The following CATSPERT variants were observed in gnomAD, a reference collection of about 807,000 sequenced individuals.
The protein encoded by CATSPERT is catsper channel auxiliary subunit tau.
the CATSPERT span, among the ~76,000 whole-genome samples, chr2:201,516,959 A>C: frequency 1.4e-5 from 2 of 144,222 alleles, no homozygotes; most frequent in Admixed American, 7.1e-5. Flanking sequence ...ATTTCACCTC[A>C]TGTCAGGATT....
the CATSPERT span, among the ~76,000 whole-genome samples, chr2:201,503,756 A>AT: frequency 7.7e-6 from 1 of 130,468 alleles, no homozygotes; most frequent in Non-Finnish European, 1.7e-5. Flanking sequence ...TTGTTGATTG[A>AT]TAAATTTTTT....
chr2:201,535,966 G>T, the CATSPERT span: 1 of 1,600,588 alleles, frequency 6.2e-7, no homozygotes, highest in South Asian at 1.1e-5. Context: ...ATTTCTGTTG[G>T]AGATGAATCT....
chr2:201,615,161 A>T, the CATSPERT span, among the ~76,000 whole-genome samples: 467 of 152,290 alleles, frequency 3.1e-3, 3 homozygotes, highest in African/African-American at 0.01. Flanking sequence ...ACAGAAAGTT[A>T]ACAAGGATAT....
At chr2:201,506,356 T>A in the CATSPERT span, among the ~76,000 whole-genome samples, 4 of 152,170 alleles carry the variant, frequency 2.6e-5, no homozygotes, top group Non-Finnish European at 5.9e-5. Context: ...TCATTATGAA[T>A]AGATGTACAA....
the CATSPERT span, among the ~76,000 whole-genome samples, chr2:201,581,516 ATATATAT>A: frequency 4.8e-5 from 3 of 62,828 alleles, no homozygotes; most frequent in East Asian, 5.2e-4. Context: ...ATATATATAT[ATATATAT>A]AAAATATTCT....
At chr2:201,516,763 T>C in the CATSPERT span, among the ~76,000 whole-genome samples, 1 of 138,720 alleles carries the variant, frequency 7.2e-6, no homozygotes, top group Non-Finnish European at 1.6e-5. Flanking sequence ...TTTTCCCCCC[T>C]ACCAGAACAC....
the CATSPERT span, among the ~76,000 whole-genome samples, chr2:201,595,258 G>A: frequency 6.7e-6 from 1 of 149,964 alleles, no homozygotes; most frequent in Non-Finnish European, 1.5e-5. Flanking sequence ...GCGGGATCTC[G>A]GCTCACTGCA....
At chr2:201,601,316 G>GC in the CATSPERT span, among the ~76,000 whole-genome samples, 1 of 121,144 alleles carries the variant, frequency 8.3e-6, no homozygotes, top group Non-Finnish European at 1.8e-5. Context: ...GTGTGTGTGT[G>GC]GGTTGTAATA....
the CATSPERT span, among the ~76,000 whole-genome samples, chr2:201,495,685 GTT>G: frequency 7.6e-6 from 1 of 131,140 alleles, no homozygotes; most frequent in Admixed American, 7.7e-5. Context: ...AATCCCCTTG[GTT>G]TTTTTTTTTT....
At chr2:201,504,158 C>T in the CATSPERT span, among the ~76,000 whole-genome samples, 1 of 152,152 alleles carries the variant, frequency 6.6e-6, no homozygotes. Context: ...AGTTTTTTCT[C>T]TTCTGGTACC....
chr2:201,507,286 A>G, the CATSPERT span, among the ~76,000 whole-genome samples: 1 of 152,252 alleles, frequency 6.6e-6, no homozygotes, highest in Non-Finnish European at 1.5e-5. Flanking sequence ...TACATCAGAA[A>G]CTATCCAATA....
At chr2:201,488,022 A>C in the CATSPERT span, 1 of 757,708 alleles carries the variant, frequency 1.3e-6, no homozygotes, top group Non-Finnish European at 2.1e-6. Context: ...CAAGGACTAA[A>C]GTTTATAATA....
the CATSPERT span, among the ~76,000 whole-genome samples, chr2:201,548,883 T>C: frequency 1.3e-5 from 2 of 152,138 alleles, no homozygotes; most frequent in African/African-American, 4.8e-5. Context: ...GTTTCAGGAT[T>C]CATGGTAAGA....
the CATSPERT span, chr2:201,604,625 G>A: frequency 6.3e-7 from 1 of 1,594,506 alleles, no homozygotes; most frequent in Non-Finnish European, 8.5e-7. Flanking sequence ...TCCCCAAATG[G>A]CACCAAATTT....
At chr2:201,539,669 G>C in the CATSPERT span, among the ~76,000 whole-genome samples, 2 of 151,144 alleles carry the variant, frequency 1.3e-5, no homozygotes, top group Non-Finnish European at 2.9e-5. Context: ...TGTGTGTGTT[G>C]TAACTATGCC....
chr2:201,590,896 G>A, the CATSPERT span, among the ~76,000 whole-genome samples: 3 of 151,798 alleles, frequency 2.0e-5, no homozygotes, highest in Non-Finnish European at 4.4e-5. Context: ...TTTGTCAGAT[G>A]AGTAGGTTGC....
At chr2:201,555,114 A>T in the CATSPERT span, 1 of 152,244 alleles carries the variant, frequency 6.6e-6, no homozygotes, top group Non-Finnish European at 1.5e-5. Flanking sequence ...ACGAATTACT[A>T]TAATTCCAAA....
the CATSPERT span, chr2:201,553,801 C>T: frequency 6.6e-6 from 1 of 152,276 alleles, no homozygotes; most frequent in African/African-American, 2.4e-5. Flanking sequence ...CAAGCTCATA[C>T]AAATGTGGAT....
chr2:201,494,150 CTTGT>C, the CATSPERT span: 1 of 1,532,258 alleles, frequency 6.5e-7, no homozygotes, highest in African/African-American at 1.4e-5. Context: ...TTGTTTAAAT[CTTGT>C]TTTTTTTCCA....
Sources: allele counts gnomAD v4.1 joint callset (sites outside exome capture counted in the v4.1 genomes callset), GRCh38; gene constraint gnomAD v4.1.1; transcripts MANE v1.5; gene names NCBI Gene and HGNC (gene_info 2026-07-23, HGNC 2026-07-21).